ABLIM1: variants seen among roughly 807,000 people sequenced by gnomAD.
The protein encoded by ABLIM1 is actin binding LIM protein 1, also known as actin-binding LIM protein 1.
ABLIM1 carries 40 observed loss-of-function variants against 107.0 expected under a neutral mutation model. The observed-to-expected ratio is 0.37, with a 90% CI of 0.29 to 0.49. The LOEUF is 0.49. Among genes scored for constraint, ABLIM1 ranks in the 20% least tolerant of loss-of-function variants. ABLIM1 has a pLI of 0.97. For synonymous variants in ABLIM1, 357 were observed against 357.3 expected, an observed-to-expected ratio of 1.00 and a Z score of 0.01; for missense variants, 857 against 1,008.5, an observed-to-expected ratio of 0.85 and a Z score of 2.04.
chr10:114,740,511 C>T (rs941147957), intron 1 of ABLIM1, among the ~76,000 whole-genome samples: 3 of 151,954 alleles, frequency 2.0e-5, no homozygotes, highest in African/African-American at 7.3e-5. Context: ...ATCCTGACTC[C>T]TTCACATCCT....
intron 9 of ABLIM1, 128 bp downstream of exon 9, chr10:114,473,751 A>G: frequency 1.5e-6 from 1 of 675,756 alleles, no homozygotes; most frequent in Non-Finnish European, 2.5e-6. Context: ...TACAAAAATG[A>G]AAATCAGGTC....
intron 8 of ABLIM1, among the ~76,000 whole-genome samples, chr10:114,477,884 C>T (rs2056725705): frequency 6.6e-6 from 1 of 152,160 alleles, no homozygotes; most frequent in African/African-American, 2.4e-5. Context: ...GCCACCCACC[C>T]AGCTAATTTT....
intron 1 of ABLIM1, among the ~76,000 whole-genome samples, chr10:114,664,450 G>T (rs757872801): frequency 7.2e-5 from 11 of 151,782 alleles, no homozygotes; most frequent in South Asian, 2.1e-4. Context: ...AAAGTTTGGG[G>T]GTTTGGCTTA....
intron 1 of ABLIM1, chr10:114,632,292 T>G: frequency 5.1e-6 from 5 of 985,428 alleles, no homozygotes; most frequent in Non-Finnish European, 6.0e-6. Flanking sequence ...GGACGGGCTA[T>G]GAAAAGCTCC....
At chr10:114,790,844 C>A in the ABLIM1 span, among the ~76,000 whole-genome samples, 2 of 152,124 alleles carry the variant, frequency 1.3e-5, no homozygotes, top group Non-Finnish European at 1.5e-5. Flanking sequence ...CAAAATCTGA[C>A]TTCATGGTTG....
At chr10:114,716,600 G>C (rs2081670082) in intron 1 of ABLIM1, among the ~76,000 whole-genome samples, 1 of 152,156 alleles carries the variant, frequency 6.6e-6, no homozygotes, top group Non-Finnish European at 1.5e-5. Flanking sequence ...TACTTCATCT[G>C]AACACACATG....
At chr10:114,468,069 G>C in intron 11 of ABLIM1, 112 bp downstream of exon 11, 1 of 996,870 alleles carries the variant, frequency 1.0e-6, no homozygotes, top group South Asian at 1.4e-5. Context: ...CCCACATGCA[G>C]TTTTTCTGTT....
At chr10:114,678,544 T>G (rs1031798913) in intron 1 of ABLIM1, among the ~76,000 whole-genome samples, 1 of 152,206 alleles carries the variant, frequency 6.6e-6, no homozygotes, top group Admixed American at 6.5e-5. Flanking sequence ...AAAGCAGCCA[T>G]GTCCATTTAT....
intron 6 of ABLIM1, among the ~76,000 whole-genome samples, chr10:114,516,859 AT>A (rs1351373201): frequency 8.5e-5 from 13 of 152,222 alleles, no homozygotes; most frequent in African/African-American, 2.9e-4. Context: ...ACTATCAGAT[AT>A]GCAAACACTC....
intron 6 of ABLIM1, among the ~76,000 whole-genome samples, chr10:114,524,619 G>C (rs1461581020): frequency 2.0e-5 from 3 of 152,070 alleles, no homozygotes; most frequent in Non-Finnish European, 4.4e-5. Flanking sequence ...ATTTACAGAA[G>C]GGAAAAGTAT....
rs2059414160 is a variant in ABLIM1 at position 114,436,499 on chromosome 10, C to A, written c.2224-126G>T. 6 of 681,340 alleles carry A rather than the reference C, an allele frequency of 8.8e-6. No homozygotes were observed. In the South Asian group the frequency reaches 1.3e-4, roughly 14 times the overall value. 42.2% of individuals were successfully genotyped at this position (681,340 alleles called of 1,614,324 possible). ...ACAAGGCAGGAGGACGGGAGAGGAG[C>A]CCATCTTTAATGCTTGTGACATCAG... On this transcript the variant is annotated intron_variant, in intron 22 of 22. Coordinates refer to ENST00000533213, the MANE Select transcript of ABLIM1 (RefSeq NM_002313.7).
chr10:114,709,792 T>G (rs962545302), intron 1 of ABLIM1, among the ~76,000 whole-genome samples: 4 of 152,248 alleles, frequency 2.6e-5, no homozygotes, highest in Non-Finnish European at 5.9e-5. Flanking sequence ...TTCTGTATTT[T>G]ATGATATTTA....
intron 6 of ABLIM1, among the ~76,000 whole-genome samples, chr10:114,493,082 C>A (rs1176436605): frequency 1.3e-5 from 2 of 152,156 alleles, no homozygotes; most frequent in Non-Finnish European, 2.9e-5. Flanking sequence ...TTTTACTTTT[C>A]TGCAGAAGGA....
intron 1 of ABLIM1, among the ~76,000 whole-genome samples, chr10:114,671,999 A>G (rs1479545845): frequency 6.6e-6 from 1 of 152,034 alleles, no homozygotes; most frequent in Non-Finnish European, 1.5e-5. Flanking sequence ...AGTAGCTGAG[A>G]CTACAGATGA....
chr10:114,436,155 G>A lies in ABLIM1; in HGVS notation c.*105C>T, dbSNP rs1425391553. On this transcript the variant is annotated 3_prime_UTR_variant, in exon 23 of 23. Coordinates refer to ENST00000533213, the MANE Select transcript of ABLIM1 (RefSeq NM_002313.7). ...CTTTCTCTTTTTGGTGTTGCTGAGC[G>A]ACGGTAGTTTGCAAATTCTCCAATC... The A allele has an allele frequency of 1.2e-5, 10 of 834,848 alleles. No individual in the cohort carries two copies. Among genetic ancestry groups the A allele is most frequent in the East Asian group, 5.0e-5 (2 of 39,898 alleles). The allele number at this position is 834,848 out of a possible 1,614,324, so 51.7% of individuals were successfully genotyped here. A position where few individuals can be genotyped will look rare whatever the true frequency, so the allele number is the denominator to read the frequency against.
chr10:114,545,073 C>T lies in ABLIM1; in HGVS notation c.826G>A (p.Asp276Asn). 2 of 1,614,170 alleles carry T rather than the reference C, an allele frequency of 1.2e-6. No individual in the cohort carries two copies. Among genetic ancestry groups the T allele is most frequent in the Non-Finnish European group, 1.7e-6 (2 of 1,180,026 alleles). ...SKDGAPYCEK[D>N]YQGLFGVKCE... ...TTCACCCCAAAGAGTCCCTGGTAGT[C>T]CTTTTCACAGTACGGAGCACCATCC... The change falls in exon 6 of 23, where the codon GAC becomes AAC. Residue 276 changes from aspartate to asparagine, a missense_variant. Physicochemically the swap from Asp to Asn is conservative, Grantham distance 23. Transcript: ENST00000533213.
At chr10:114,523,314 C>T (rs2064062270) in intron 6 of ABLIM1, among the ~76,000 whole-genome samples, 1 of 152,112 alleles carries the variant, frequency 6.6e-6, no homozygotes. Flanking sequence ...CATCTGCACC[C>T]CCCTTGCCCT....
chr10:114,727,513 T>G (rs985461966), intron 1 of ABLIM1, among the ~76,000 whole-genome samples: 5 of 152,114 alleles, frequency 3.3e-5, no homozygotes, highest in African/African-American at 9.7e-5. Context: ...CCAAATGCAT[T>G]AAAAATCATA....
exon 1 of ABLIM1, chr10:114,684,692 A>C: frequency 9.2e-7 from 1 of 1,082,790 alleles, no homozygotes; most frequent in South Asian, 4.2e-5. Flanking sequence ...CTGGGAAGCC[A>C]CTATTAGAAC....
Sources: allele counts gnomAD v4.1 joint callset (sites outside exome capture counted in the v4.1 genomes callset), GRCh38; gene constraint gnomAD v4.1.1; transcripts MANE v1.5; gene names NCBI Gene and HGNC (gene_info 2026-07-23, HGNC 2026-07-21).